Variants in PPP1R12A observed in about 807,000 individuals in gnomAD.
PPP1R12A encodes myosin binding subunit.
In PPP1R12A, 19 loss-of-function variants were observed where a neutral mutation model predicts 139.6. The observed-to-expected ratio is 0.14, with a 90% CI of 0.09 to 0.20. The LOEUF is 0.20. PPP1R12A is among the 10% of genes least tolerant of loss of function. The pLI, the probability that PPP1R12A is intolerant of heterozygous loss-of-function variation, is 1.00. For missense variants in PPP1R12A, 925 were observed against 1,211.5 expected, an observed-to-expected ratio of 0.76 and a Z score of 3.51; for synonymous variants, 427 against 420.6, an observed-to-expected ratio of 1.02 and a Z score of -0.19.
intron 2 of PPP1R12A, chr12:79,848,845 C>T (rs964283830): frequency 2.1e-4 from 32 of 152,074 alleles, no homozygotes; most frequent in African/African-American, 7.5e-4. Flanking sequence ...TCTCCAAAAG[C>T]AATTCAAAGG....
intron 1 of PPP1R12A, among the ~76,000 whole-genome samples, chr12:79,890,923 A>ACC (rs1257519771): frequency 6.7e-6 from 1 of 148,484 alleles, no homozygotes; most frequent in Non-Finnish European, 1.5e-5. Flanking sequence ...ACACACACAC[A>ACC]CACACACACA....
chr12:79,839,345 T>C (rs1878442733), intron 3 of PPP1R12A, among the ~76,000 whole-genome samples: 1 of 152,172 alleles, frequency 6.6e-6, no homozygotes, highest in Non-Finnish European at 1.5e-5. Flanking sequence ...TTGCCTCAGA[T>C]GAGACTTTGG....
At chr12:79,909,788 T>TTTG (rs143557263) in intron 1 of PPP1R12A, among the ~76,000 whole-genome samples, 3,209 of 151,562 alleles carry the variant, frequency 0.021, 53 homozygotes, top group African/African-American at 0.051. Flanking sequence ...GTCATATTGC[T>TTTG]TTGTTGTTGT....
At chr12:79,902,913 T>C (rs1885774112) in intron 1 of PPP1R12A, among the ~76,000 whole-genome samples, 1 of 151,992 alleles carries the variant, frequency 6.6e-6, no homozygotes, top group African/African-American at 2.4e-5. Flanking sequence ...TCTCTTTAGA[T>C]GCAATTATCA....
At chr12:79,830,263 T>G (rs1286566985) in intron 4 of PPP1R12A, among the ~76,000 whole-genome samples, 1 of 152,196 alleles carries the variant, frequency 6.6e-6, no homozygotes, top group Admixed American at 6.6e-5. Flanking sequence ...ATTTTAATTT[T>G]TTTTACAATA....
chr12:79,778,337 CCTT>C (rs1869995514), intron 24 of PPP1R12A: 1 of 346,822 alleles, frequency 2.9e-6, no homozygotes, highest in Non-Finnish European at 5.2e-6. Flanking sequence ...TATTTTTGCT[CCTT>C]CTTTTCATAG....
chr12:79,932,423 A>G lies in PPP1R12A; in HGVS notation c.237+2272T>C, dbSNP rs79194398. ...AATAAGAAATGAGAGTGAAGAAAAC[A>G]TAACACAAATTTTTAATGCTTGATA... On this transcript the variant is annotated intron_variant, in intron 1 of 24. Transcript: ENST00000450142. 1.0e-2 allele frequency among the ~76,000 whole-genome samples: 1,518 copies of G among 152,336 alleles called. 18 individuals carry two copies. The highest frequency in any genetic ancestry group is 0.017 in the Non-Finnish European group (1,162 of 68,016).
At chr12:79,812,724 T>C (rs1285895263) in intron 9 of PPP1R12A, among the ~76,000 whole-genome samples, 1 of 152,102 alleles carries the variant, frequency 6.6e-6, no homozygotes, top group African/African-American at 2.4e-5. Context: ...AACTGAAAAC[T>C]TGAAACTCAG....
In PPP1R12A at chr12:79,817,485, G is replaced by T. The variant is rs571466388; in HGVS notation, c.1148C>A (p.Ala383Asp). 1.2e-6 allele frequency: 2 copies of T among 1,602,086 alleles called. No homozygotes were observed. The highest frequency in any genetic ancestry group is 4.5e-5 in the East Asian group (2 of 44,538). The change falls in exon 9 of 25, where the codon GCC becomes GAC. Residue 383 changes from alanine to aspartate, a missense_variant. By Grantham distance (126) the Ala-to-Asp change is moderately radical. Transcript: ENST00000450142. ...AGCTGCTTGTGTACTAGAAGTGTTG[G>T]CATTAGTTACAGAAGCCAGGGGTTT... Reference protein sequence around the residue: ...KTKPLASVTNANTSSTQAAPV... With the variant: ...KTKPLASVTNDNTSSTQAAPV...
chr12:79,847,193 T>C (rs547682034), intron 2 of PPP1R12A, among the ~76,000 whole-genome samples: 2 of 152,270 alleles, frequency 1.3e-5, no homozygotes, highest in Admixed American at 1.3e-4. Context: ...ATATACACCA[T>C]CACTTTTGGG....
At chr12:79,875,413 T>C in intron 1 of PPP1R12A, among the ~76,000 whole-genome samples, 1 of 152,224 alleles carries the variant, frequency 6.6e-6, no homozygotes, top group East Asian at 1.9e-4. Context: ...TTTTCCGTCC[T>C]AATTCACACA....
chr12:79,869,937 A>ATTATTATT (rs1882394494), intron 2 of PPP1R12A, among the ~76,000 whole-genome samples: 6 of 129,360 alleles, frequency 4.6e-5, no homozygotes, highest in African/African-American at 2.3e-4. Context: ...TTATTATTAT[A>ATTATTATT]AGTGCTTTCT....
intron 9 of PPP1R12A, among the ~76,000 whole-genome samples, chr12:79,816,390 C>G (rs904031091): frequency 7.9e-5 from 12 of 151,230 alleles, no homozygotes; most frequent in Admixed American, 2.0e-4. Flanking sequence ...TTACTGCAAT[C>G]AATTTTTCAA....
intron 1 of PPP1R12A, among the ~76,000 whole-genome samples, chr12:79,883,015 T>C (rs768197770): frequency 6.6e-5 from 10 of 152,114 alleles, no homozygotes; most frequent in Non-Finnish European, 1.5e-4. Context: ...CACGCACCTA[T>C]AATCCCAGCT....
intron 1 of PPP1R12A, among the ~76,000 whole-genome samples, chr12:79,898,771 TATA>T (rs1885362277): frequency 6.6e-6 from 1 of 152,154 alleles, no homozygotes; most frequent in South Asian, 2.1e-4. Context: ...TCCCTCCTCC[TATA>T]ATGCCTTTCC....
intron 1 of PPP1R12A, among the ~76,000 whole-genome samples, chr12:79,909,970 G>A (rs534206197): frequency 6.6e-6 from 1 of 151,888 alleles, no homozygotes; most frequent in East Asian, 2.0e-4. Context: ...AAAGTGCTGG[G>A]ATTACAGGCC....
At chr12:79,890,103 C>T (rs1384010197) in intron 1 of PPP1R12A, among the ~76,000 whole-genome samples, 3 of 152,058 alleles carry the variant, frequency 2.0e-5, no homozygotes, top group Admixed American at 2.0e-4. Context: ...ATAGAGACAG[C>T]AGTGTGGAAG....
chr12:79,871,268 G>C (rs1882540051), intron 2 of PPP1R12A, among the ~76,000 whole-genome samples: 1 of 152,124 alleles, frequency 6.6e-6, no homozygotes, highest in Non-Finnish European at 1.5e-5. Flanking sequence ...GCAGCTAAAA[G>C]CATTCCAACT....
At chr12:79,855,672 C>T (rs1003880109) in intron 2 of PPP1R12A, among the ~76,000 whole-genome samples, 8 of 151,776 alleles carry the variant, frequency 5.3e-5, no homozygotes, top group Non-Finnish European at 4.4e-5. Context: ...TCTGGGATAG[C>T]ACTCTATAAC....
Sources: allele counts gnomAD v4.1 joint callset (sites outside exome capture counted in the v4.1 genomes callset), GRCh38; gene constraint gnomAD v4.1.1; transcripts MANE v1.5; gene names NCBI Gene and HGNC (gene_info 2026-07-23, HGNC 2026-07-21).